Variants in ZZZ3 observed in about 807,000 individuals in gnomAD.
ZZZ3 encodes ZZ-type zinc finger-containing protein 3.
In ZZZ3, 22 loss-of-function variants were observed where a neutral mutation model predicts 95.2. The ratio of observed to expected loss-of-function variants is 0.23; its 90% CI spans 0.17 to 0.33. ZZZ3 has a LOEUF of 0.33. Among genes scored for constraint, ZZZ3 ranks in the 10% least tolerant of loss-of-function variants. The pLI is 1.00. For synonymous variants in ZZZ3, 335 were observed against 358.9 expected, an observed-to-expected ratio of 0.93 and a Z score of 0.75; for missense variants, 885 against 1,066.5, an observed-to-expected ratio of 0.83 and a Z score of 2.37.
At chr1:77,582,271 A>G in intron 6 of ZZZ3, 145 bp from the exon 7 acceptor site, 1 of 653,014 alleles carries the variant, frequency 1.5e-6, no homozygotes, top group Non-Finnish European at 2.4e-6. Context: ...AAGAGACAAT[A>G]AAGTTAATTA....
chr1:77,579,795 C>A (rs1662322535), intron 9 of ZZZ3, 167 bp from the exon 10 acceptor site: 1 of 438,134 alleles, frequency 2.3e-6, no homozygotes, highest in African/African-American at 2.1e-5. Flanking sequence ...TAGTTAGAAA[C>A]TTAAGACTTC....
intron 5 of ZZZ3, among the ~76,000 whole-genome samples, chr1:77,623,100 A>G (rs1472103982): frequency 6.6e-6 from 1 of 152,228 alleles, no homozygotes; most frequent in Non-Finnish European, 1.5e-5. Context: ...CAAACATTAG[A>G]CAACAGACAG....
chr1:77,648,024 C>T (rs184954468), intron 1 of ZZZ3, among the ~76,000 whole-genome samples: 1 of 152,208 alleles, frequency 6.6e-6, no homozygotes, highest in East Asian at 1.9e-4. Context: ...AAATCCAGCT[C>T]CAAACAAGGT....
chr1:77,662,714 C>A (rs887315323), intron 1 of ZZZ3, among the ~76,000 whole-genome samples: 7 of 151,998 alleles, frequency 4.6e-5, no homozygotes, highest in Non-Finnish European at 8.8e-5. Flanking sequence ...TCACTTGAGT[C>A]CAGGAGGTCA....
intron 1 of ZZZ3, among the ~76,000 whole-genome samples, chr1:77,655,049 T>G (rs892310656): frequency 4.6e-5 from 7 of 152,184 alleles, no homozygotes; most frequent in African/African-American, 1.7e-4. Flanking sequence ...CTGAAGAGAT[T>G]TGAGGTAGCA....
intron 5 of ZZZ3, among the ~76,000 whole-genome samples, chr1:77,622,610 G>T (rs936575984): frequency 6.6e-6 from 1 of 151,988 alleles, no homozygotes; most frequent in Admixed American, 6.6e-5. Context: ...TAACAAATAC[G>T]TAATTTCTTA....
chr1:77,571,768 G>C (rs1480906072), intron 12 of ZZZ3, among the ~76,000 whole-genome samples: 1 of 152,176 alleles, frequency 6.6e-6, no homozygotes, highest in Non-Finnish European at 1.5e-5. Flanking sequence ...ATGACTGCCA[G>C]AGGCTAGAAA....
chr1:77,633,737 T>G (rs1668040030), intron 4 of ZZZ3, among the ~76,000 whole-genome samples: 1 of 152,174 alleles, frequency 6.6e-6, no homozygotes, highest in Admixed American at 6.5e-5. Flanking sequence ...ACTCTGAATA[T>G]TCTATCCAAG....
intron 1 of ZZZ3, among the ~76,000 whole-genome samples, chr1:77,646,021 C>T (rs946428377): frequency 2.0e-5 from 3 of 149,962 alleles, no homozygotes; most frequent in Non-Finnish European, 3.0e-5. Context: ...ATGGAGCATA[C>T]AATCTTCATT....
At position 77,577,146 on chromosome 1, in the gene ZZZ3, C is replaced by A. The variant is rs1662042914; in HGVS notation, c.2179-926G>T. The stretch of plus-strand genomic sequence containing the variant: ...GAACACCCTCAGCTACATGAAGAAC[C>A]ATCATTTCACCTGTTTCCAAATTTA... On this transcript the variant is annotated intron_variant, in intron 11 of 14. Transcript: ENST00000370801. 2.0e-5 allele frequency among the ~76,000 whole-genome samples: 3 copies of A among 152,236 alleles called. No individual in the cohort carries two copies. In the South Asian group the frequency reaches 6.2e-4, roughly 32 times the overall value.
At chr1:77,654,884 A>C (rs192644501) in intron 1 of ZZZ3, among the ~76,000 whole-genome samples, 1 of 152,318 alleles carries the variant, frequency 6.6e-6, no homozygotes, top group East Asian at 1.9e-4. Flanking sequence ...CCTGTACTCA[A>C]GCAATCCTCC....
chr1:77,624,309 T>C (rs1292130709), intron 5 of ZZZ3, among the ~76,000 whole-genome samples: 2 of 152,152 alleles, frequency 1.3e-5, no homozygotes, highest in Non-Finnish European at 2.9e-5. Flanking sequence ...GGAGACCCTT[T>C]TGTTCTAATA....
At chr1:77,578,668 A>C (rs1361347105) in intron 11 of ZZZ3, 106 bp downstream of exon 11, 4 of 612,096 alleles carry the variant, frequency 6.5e-6, no homozygotes, top group Non-Finnish European at 9.9e-6. Flanking sequence ...GAATGAACAG[A>C]AGTTTTAAAA....
chr1:77,632,869 T>C lies in ZZZ3; in HGVS notation c.486A>G (p.Arg162=). 1 of 1,614,188 alleles carries C rather than the reference T, an allele frequency of 6.2e-7. No individual in the cohort carries two copies. The highest frequency in any genetic ancestry group is 8.5e-7 in the Non-Finnish European group (1 of 1,180,022). ...CATCCAGTATAAGACATCGACAAGC[T>C]CGTTTAGTCCCTTGAAAATCTGCAT... The part of the protein sequence containing the change: ...DNDADFQGTK[R]ACRCLILDDC... The change falls in exon 5 of 15, where the codon CGA becomes CGG. Residue 162 remains arginine (R), a synonymous_variant. Coordinates refer to ENST00000370801, the MANE Select transcript of ZZZ3 (RefSeq NM_015534.6).
chr1:77,648,186 C>G (rs1333566293), intron 1 of ZZZ3, among the ~76,000 whole-genome samples: 1 of 151,600 alleles, frequency 6.6e-6, no homozygotes, highest in Non-Finnish European at 1.5e-5. Context: ...GGCAAGACCC[C>G]ATTTCTACAA....
rs570797981 is a variant in ZZZ3, at chr1:77,611,716, G to A, written c.1505+20134C>T. ...TCAATTGGTCTTTGACAAAGGTGGC[G>A]AAAACACACAATAAGGGACAGTCAG... On this transcript the variant is annotated intron_variant, in intron 5 of 14. Coordinates refer to ENST00000370801, the MANE Select transcript of ZZZ3 (RefSeq NM_015534.6). 3.9e-5 allele frequency among the ~76,000 whole-genome samples: 6 copies of A among 152,016 alleles called. No individual in the cohort carries two copies. The East Asian group carries it at 7.7e-4, about 20-fold the overall frequency.
rs903655261 is a variant in ZZZ3 at position 77,648,543 on chromosome 1, T to G, written c.-402-6888A>C. Reference sequence around the variant, plus strand: ...AAGCTAAGTAGAGATACGTAAGTCTTTTTAATGTGAATTGATTCTTCTACT... The same window carrying G: ...AAGCTAAGTAGAGATACGTAAGTCTGTTTAATGTGAATTGATTCTTCTACT... On this transcript the variant is annotated intron_variant, in intron 1 of 14. Coordinates refer to ENST00000370801, the MANE Select transcript of ZZZ3 (RefSeq NM_015534.6). 7.9e-5 allele frequency among the ~76,000 whole-genome samples: 12 copies of G among 152,236 alleles called. No individual in the cohort carries two copies. In the South Asian group the frequency reaches 2.5e-3, roughly 32 times the overall value.
intron 11 of ZZZ3, among the ~76,000 whole-genome samples, chr1:77,577,117 C>A (rs762737944): frequency 6.6e-6 from 1 of 152,184 alleles, no homozygotes; most frequent in African/African-American, 2.4e-5. Context: ...AGCACAGTCA[C>A]AAAGAACACC....
At position 77,568,425 on chromosome 1, in the gene ZZZ3, T is replaced by C; in HGVS notation, c.2373A>G (p.Glu791=). ...TTTTAAACTGTAATAGTTCTTTATA[T>C]TCAGGTAAATTCCTATACATGATAG... ...SIPIMYRNLP[E]YKELLQFKKL... Residue 791 remains glutamate (E), a synonymous_variant, in exon 13 of 15, where the codon GAA becomes GAG. Coordinates refer to ENST00000370801, the MANE Select transcript of ZZZ3 (RefSeq NM_015534.6). 1.4e-6 allele frequency: 2 copies of C among 1,460,032 alleles called. No individual in the cohort carries two copies. Among genetic ancestry groups the C allele is most frequent in the Non-Finnish European group, 1.9e-6 (2 of 1,061,894 alleles). The allele number at this position is 1,460,032 out of a possible 1,614,324, so 90.4% of individuals were successfully genotyped here. A position where few individuals can be genotyped will look rare whatever the true frequency, so the allele number is the denominator to read the frequency against.
Sources: allele counts gnomAD v4.1 joint callset (sites outside exome capture counted in the v4.1 genomes callset), GRCh38; gene constraint gnomAD v4.1.1; transcripts MANE v1.5; gene names NCBI Gene and HGNC (gene_info 2026-07-23, HGNC 2026-07-21).